Variants in RABGAP1L observed in about 807,000 individuals in gnomAD.
RABGAP1L encodes rab GTPase-activating protein 1-like.
Under a neutral mutation model 137.7 loss-of-function variants are expected in RABGAP1L, and 63 were observed. The ratio of observed to expected loss-of-function variants is 0.46; its 90% CI spans 0.37 to 0.56. The LOEUF (loss-of-function observed/expected upper bound fraction) is 0.56, where lower values mean the gene tolerates loss of function less well. RABGAP1L is among the 20% of genes least tolerant of loss of function. The pLI is 0.00. For missense variants in RABGAP1L, 1,095 were observed against 1,244.0 expected, an observed-to-expected ratio of 0.88 and a Z score of 1.80; for synonymous variants, 431 against 433.7, an observed-to-expected ratio of 0.99 and a Z score of 0.08.
intron 14 of RABGAP1L, among the ~76,000 whole-genome samples, chr1:174,667,055 A>G (rs948709297): frequency 6.6e-6 from 1 of 151,936 alleles, no homozygotes; most frequent in Admixed American, 6.6e-5. Flanking sequence ...TTATGTATAA[A>G]TGTTAGCACC....
At chr1:174,522,585 AAAAAG>A (rs1270031308) in intron 13 of RABGAP1L, among the ~76,000 whole-genome samples, 9 of 152,232 alleles carry the variant, frequency 5.9e-5, no homozygotes, top group East Asian at 3.9e-4. Context: ...AAAAAAAAGA[AAAAAG>A]AAAAGAGAAG....
At chr1:174,177,902 A>C (rs947692854) in intron 1 of RABGAP1L, among the ~76,000 whole-genome samples, 2 of 152,194 alleles carry the variant, frequency 1.3e-5, no homozygotes, top group Non-Finnish European at 2.9e-5. Context: ...TATAGTTTGA[A>C]GGCAGGTAGC....
At chr1:174,832,031 G>A (rs1335187049) in intron 19 of RABGAP1L, among the ~76,000 whole-genome samples, 1 of 148,044 alleles carries the variant, frequency 6.8e-6, no homozygotes, top group Non-Finnish European at 1.5e-5. Flanking sequence ...GGTGGTTCAT[G>A]CCTATAATCC....
At chr1:174,581,439 A>T (rs532708002) in intron 13 of RABGAP1L, among the ~76,000 whole-genome samples, 28 of 152,320 alleles carry the variant, frequency 1.8e-4, no homozygotes, top group Non-Finnish European at 3.1e-4. Context: ...AGTCACAAAC[A>T]CTACATTTTA....
chr1:174,378,968 G>T (rs1685851787), intron 12 of RABGAP1L, among the ~76,000 whole-genome samples: 1 of 130,720 alleles, frequency 7.6e-6, no homozygotes, highest in African/African-American at 3.4e-5. Context: ...TTTGTATAAG[G>T]TGTAAGGAAG....
At chr1:174,853,700 C>T (rs1351940573) in intron 19 of RABGAP1L, among the ~76,000 whole-genome samples, 1 of 152,016 alleles carries the variant, frequency 6.6e-6, no homozygotes, top group African/African-American at 2.4e-5. Flanking sequence ...CACTGCACTC[C>T]AGCCTGGGCG....
chr1:174,545,133 G>C (rs1439976326), intron 13 of RABGAP1L: 2 of 152,542 alleles, frequency 1.3e-5, no homozygotes, highest in African/African-American at 4.8e-5. Context: ...CTTCAAAGCT[G>C]TCAGACAGGG....
At chr1:174,590,085 A>G (rs959320819) in intron 13 of RABGAP1L, among the ~76,000 whole-genome samples, 1 of 146,754 alleles carries the variant, frequency 6.8e-6, no homozygotes, top group Non-Finnish European at 1.5e-5. Context: ...ATCCATGAAC[A>G]TGGAATATCT....
intron 11 of RABGAP1L, among the ~76,000 whole-genome samples, chr1:174,314,341 A>C (rs116328314): frequency 6.6e-6 from 1 of 152,118 alleles, no homozygotes; most frequent in Admixed American, 6.6e-5. Context: ...AATTTCTGCC[A>C]TCTCAGTGAT....
intron 13 of RABGAP1L, among the ~76,000 whole-genome samples, chr1:174,608,879 C>T (rs1181754042): frequency 6.6e-6 from 1 of 151,878 alleles, no homozygotes; most frequent in Non-Finnish European, 1.5e-5. Context: ...GATGGTAGTG[C>T]CAAAAAAGAA....
intron 13 of RABGAP1L, among the ~76,000 whole-genome samples, chr1:174,476,337 C>G (rs972083420): frequency 1.3e-5 from 2 of 151,920 alleles, no homozygotes; most frequent in African/African-American, 4.8e-5. Flanking sequence ...AGCTGAATAT[C>G]TAAGATATTT....
intron 13 of RABGAP1L, among the ~76,000 whole-genome samples, chr1:174,397,393 C>T (rs1304093326): frequency 1.3e-5 from 2 of 152,094 alleles, no homozygotes; most frequent in African/African-American, 4.8e-5. Context: ...CATTCTCAAT[C>T]ACTTGCCTTC....
At chr1:174,226,153 C>T (rs970852777) in intron 3 of RABGAP1L, among the ~76,000 whole-genome samples, 4 of 152,148 alleles carry the variant, frequency 2.6e-5, no homozygotes, top group African/African-American at 7.2e-5. Flanking sequence ...TTCTGCAACT[C>T]GGACCACCCT....
chr1:174,264,414 A>G (rs932508067), intron 7 of RABGAP1L, among the ~76,000 whole-genome samples: 2 of 152,142 alleles, frequency 1.3e-5, no homozygotes, highest in African/African-American at 4.8e-5. Flanking sequence ...TGCTTGTTAG[A>G]TTAGCCCATC....
intron 4 of RABGAP1L, among the ~76,000 whole-genome samples, chr1:174,233,229 T>A (rs984780422): frequency 2.0e-5 from 3 of 151,962 alleles, no homozygotes; most frequent in African/African-American, 7.3e-5. Flanking sequence ...TGCAGATTTG[T>A]GTGTATGTGT....
intron 19 of RABGAP1L, among the ~76,000 whole-genome samples, chr1:174,887,380 C>CA (rs1655338913): frequency 6.6e-6 from 1 of 152,070 alleles, no homozygotes; most frequent in Non-Finnish European, 1.5e-5. Context: ...GATTCATCAT[C>CA]AAAAAATGAC....
At chr1:174,956,155 T>A (rs564050142) in intron 19 of RABGAP1L, among the ~76,000 whole-genome samples, 1 of 152,304 alleles carries the variant, frequency 6.6e-6, no homozygotes, top group African/African-American at 2.4e-5. Context: ...AGAAATTTTG[T>A]TTACCTGCTA....
chr1:174,637,567 CTG>C (rs1234831708), intron 14 of RABGAP1L, 79 bp downstream of exon 14: 5 of 1,020,064 alleles, frequency 4.9e-6, no homozygotes, highest in Non-Finnish European at 7.6e-6. Context: ...TTTTTTTACT[CTG>C]TCTTCATTTC....
At chr1:174,282,818 CAT>C (rs1675695400) in intron 10 of RABGAP1L, among the ~76,000 whole-genome samples, 1 of 152,202 alleles carries the variant, frequency 6.6e-6, no homozygotes, top group Admixed American at 6.5e-5. Flanking sequence ...ACACCTCTCT[CAT>C]GTGGGTATAC....
Sources: allele counts gnomAD v4.1 joint callset (sites outside exome capture counted in the v4.1 genomes callset), GRCh38; gene constraint gnomAD v4.1.1; transcripts MANE v1.5; gene names NCBI Gene and HGNC (gene_info 2026-07-23, HGNC 2026-07-21).